KHSRP: variants seen among roughly 807,000 people sequenced by gnomAD.
KHSRP encodes the protein far upstream element-binding protein 2.
In KHSRP, 13 loss-of-function variants were observed where a neutral mutation model predicts 94.9. The observed-to-expected ratio is 0.14, with a 90% CI of 0.09 to 0.22. KHSRP has a LOEUF of 0.22. Among genes scored for constraint, KHSRP ranks in the 10% least tolerant of loss-of-function variants. KHSRP has a pLI of 1.00. For synonymous variants in KHSRP, 495 were observed against 401.4 expected, an observed-to-expected ratio of 1.23 and a Z score of -2.79; for missense variants, 710 against 1,010.0, an observed-to-expected ratio of 0.70 and a Z score of 4.03.
intron 2 of KHSRP, among the ~76,000 whole-genome samples, 174 bp downstream of exon 2, chr19:6,422,166 C>G (rs764999211): frequency 1.3e-5 from 2 of 152,190 alleles, no homozygotes; most frequent in Non-Finnish European, 2.9e-5. Context: ...TCTCTGCCAC[C>G]TGATACCTCA....
rs2092220921 is a variant in KHSRP, at chr19:6,424,565, C to CCGA, written c.136_137insTCG (p.Pro45_Gly46insVal). The CCGA allele has an allele frequency of 1.0e-5, 10 of 963,058 alleles. No homozygotes were observed. The highest frequency in any genetic ancestry group is 1.2e-5 in the Non-Finnish European group (10 of 813,504). The allele number at this position is 963,058 out of a possible 1,614,324, so 59.7% of individuals were successfully genotyped here. A position where few individuals can be genotyped will look rare whatever the true frequency, so the allele number is the denominator to read the frequency against. On this transcript the variant is annotated inframe_insertion, in exon 1 of 19. Transcript: ENST00000600480. ...CGACCCCCCGCCCGGGCCGCCGCCG[C>CCGA]CGGGACCGCCGCCGCCCCGGTCCCC...
intron 15 of KHSRP, among the ~76,000 whole-genome samples, 199 bp from the exon 16 acceptor site, chr19:6,416,095 G>A (rs568716727): frequency 3.9e-5 from 6 of 152,324 alleles, no homozygotes; most frequent in African/African-American, 9.6e-5. Context: ...AAGAAGCCGC[G>A]AAACTTGCAC....
At position 6,414,800 on chromosome 19, in the gene KHSRP, C is replaced by T. The variant is rs932736611; in HGVS notation, c.*224G>A. 5 of 1,165,970 alleles carry T rather than the reference C, an allele frequency of 4.3e-6. No individual in the cohort carries two copies. The highest frequency in any genetic ancestry group is 1.6e-5 in the African/African-American group (1 of 62,634). The allele number at this position is 1,165,970 out of a possible 1,614,324, so 72.2% of individuals were successfully genotyped here. A position where few individuals can be genotyped will look rare whatever the true frequency, so the allele number is the denominator to read the frequency against. Reference sequence around the variant, plus strand: ...GTGAGCGAGGTGGTGGCGGCCGGGCCGGTGCCCACCGTCCGCGCTGTCTGC... The same window carrying T: ...GTGAGCGAGGTGGTGGCGGCCGGGCTGGTGCCCACCGTCCGCGCTGTCTGC... On this transcript the variant is annotated 3_prime_UTR_variant, in exon 19 of 19. Coordinates refer to ENST00000600480, the MANE Select transcript of KHSRP (RefSeq NM_001366299.1).
rs1334642900 is a variant in KHSRP, at chr19:6,416,524, T to C, written c.1454A>G (p.Asp485Gly). The C allele has an allele frequency of 6.2e-7, 1 of 1,613,582 alleles. No homozygotes were observed. The highest frequency in any genetic ancestry group is 8.5e-7 in the Non-Finnish European group (1 of 1,179,686). ...FIIRGSPQQI[D>G]HAKQLIEEKI... ...TTCCTCGATAAGCTGCTTGGCGTGG[T>C]CAATCTGCTGGGGTGAACCCCGGAT... The change falls in exon 14 of 19, where the codon GAC becomes GGC. Residue 485 changes from aspartate to glycine, a missense_variant. Asp to Gly is a moderately conservative substitution (Grantham distance 94). Around this residue, in one of 5 missense-constraint regions of KHSRP, gnomAD observed 37 missense variants for 61.1 expected, o/e 0.61. Coordinates refer to ENST00000600480, the MANE Select transcript of KHSRP (RefSeq NM_001366299.1).
At position 6,416,733 on chromosome 19, in the gene KHSRP, C is replaced by G. The variant is rs1475169482; in HGVS notation, c.1327+5G>C. 1 of 1,601,398 alleles carries G rather than the reference C, an allele frequency of 6.2e-7. No homozygotes were observed. Among genetic ancestry groups the G allele is most frequent in the Non-Finnish European group, 8.5e-7 (1 of 1,172,300 alleles). The stretch of plus-strand genomic sequence containing the variant: ...AAGGGATAGGGTGCAGGGGGCCACA[C>G]TCACCTCGGCCGATGACCAGCCCAC... On this transcript the variant is annotated splice_donor_5th_base_variant and intron_variant, in intron 13 of 18. Coordinates refer to ENST00000600480, the MANE Select transcript of KHSRP (RefSeq NM_001366299.1).
chr19:6,418,860 G>C lies in KHSRP; in HGVS notation c.622C>G (p.Leu208Val). The C allele has an allele frequency of 6.4e-7, 1 of 1,553,588 alleles. No homozygotes were observed. Among genetic ancestry groups the C allele is most frequent in the Non-Finnish European group, 8.7e-7 (1 of 1,154,810 alleles). The change falls in exon 8 of 19, where the codon CTG becomes GTG. Residue 208 changes from leucine (L) to valine (V), a missense_variant. By Grantham distance (32) the Leu-to-Val change is conservative. This residue lies in a region of KHSRP where 288 missense variants were observed against 501.1 expected (regional missense o/e 0.57). Coordinates refer to ENST00000600480, the MANE Select transcript of KHSRP (RefSeq NM_001366299.1). The surrounding 1 kb of genome is among the most constrained non-coding windows in gnomAD (Gnocchi z 4.3). Reference sequence around the variant, plus strand: ...CGACCCCGAGACACAATGTCATCCAGCATCATCTTGGCTTTCCTGGGAAGG... The same window carrying C: ...CGACCCCGAGACACAATGTCATCCACCATCATCTTGGCTTTCCTGGGAAGG... Reference protein sequence around the residue: ...PESVQKAKMMLDDIVSRGRGG... With the variant: ...PESVQKAKMMVDDIVSRGRGG...
chr19:6,417,134 C>T (rs376886726), intron 11 of KHSRP, 47 bp from the exon 12 acceptor site: 7 of 1,490,224 alleles, frequency 4.7e-6, no homozygotes, highest in Non-Finnish European at 5.5e-6. Context: ...AAAAGAAGAG[C>T]CCACCCCAGA....
At position 6,415,352 on chromosome 19, in the gene KHSRP, C is replaced by T. The variant is rs371228466; in HGVS notation, c.1966+28G>A. On this transcript the variant is annotated intron_variant, in intron 18 of 18. Transcript: ENST00000600480. Reference sequence around the variant, plus strand: ...AGGCTGTGGGTGAGGGCTGCCCCTGCCCCTGTCCCCGCATGGTGGCCACTC... The same window carrying T: ...AGGCTGTGGGTGAGGGCTGCCCCTGTCCCTGTCCCCGCATGGTGGCCACTC... 16 of 1,611,448 alleles carry T rather than the reference C, an allele frequency of 9.9e-6. No individual in the cohort carries two copies. In the African/African-American group the frequency reaches 2.1e-4, roughly 22 times the overall value.
chr19:6,417,855 C>A lies in KHSRP; in HGVS notation c.979-14G>T, dbSNP rs1214350348. 6.2e-7 allele frequency: 1 copy of A among 1,612,068 alleles called. No homozygotes were observed. On this transcript the variant is annotated splice_polypyrimidine_tract_variant and intron_variant, in intron 10 of 18. Coordinates refer to ENST00000600480, the MANE Select transcript of KHSRP (RefSeq NM_001366299.1). Reference sequence around the variant, plus strand: ...GGGCACTGGCACCTGGGGAGGGAGGCAGCAGCGTCAGCTCGGCCCGCAGCT... The same window carrying A: ...GGGCACTGGCACCTGGGGAGGGAGGAAGCAGCGTCAGCTCGGCCCGCAGCT...
chr19:6,421,583 G>C, intron 3 of KHSRP, 67 bp downstream of exon 3: 1 of 1,553,216 alleles, frequency 6.4e-7, no homozygotes, highest in Non-Finnish European at 8.9e-7. Flanking sequence ...AGTGCTTCCA[G>C]CTCCTGACTC....
Position 6,414,547 on chromosome 19 carries a change from C to T in KHSRP, c.*477G>A. 9.7e-7 allele frequency: 1 copy of T among 1,028,710 alleles called. No homozygotes were observed. Among genetic ancestry groups the T allele is most frequent in the South Asian group, 4.2e-5 (1 of 23,790 alleles). 63.7% of individuals were successfully genotyped at this position (1,028,710 alleles called of 1,614,324 possible). ...CCACTTCACAGACAAGCCCGGGACA[C>T]AGGCAAGCGCGAGCGCATGGGAGGC... On this transcript the variant is annotated 3_prime_UTR_variant, in exon 19 of 19. Coordinates refer to ENST00000600480, the MANE Select transcript of KHSRP (RefSeq NM_001366299.1).
intron 6 of KHSRP, 105 bp from the exon 7 acceptor site, chr19:6,419,365 C>T: frequency 1.0e-6 from 1 of 969,984 alleles, no homozygotes; most frequent in Admixed American, 2.8e-5. Flanking sequence ...CACTTCTGTC[C>T]CATTCAGTGC....
Position 6,418,398 on chromosome 19 carries a change from C to A in KHSRP, c.879+85G>T. Reference sequence around the variant, plus strand: ...ACCGACTGTTCACATATCTCTCTGGCGGAATGCAGACCCCGAGACCGCTGG... The same window carrying A: ...ACCGACTGTTCACATATCTCTCTGGAGGAATGCAGACCCCGAGACCGCTGG... On this transcript the variant is annotated intron_variant, in intron 9 of 18. Transcript: ENST00000600480. The surrounding 1 kb of genome is among the most constrained non-coding windows in gnomAD (Gnocchi z 4.3). 1 of 944,036 alleles carries A rather than the reference C, an allele frequency of 1.1e-6. No homozygotes were observed. The allele number at this position is 944,036 out of a possible 1,614,324, so 58.5% of individuals were successfully genotyped here. A position where few individuals can be genotyped will look rare whatever the true frequency, so the allele number is the denominator to read the frequency against.
In KHSRP at chr19:6,418,129, ACCC is replaced by A. The variant is rs771260489; in HGVS notation, c.880-53_880-51del. On this transcript the variant is annotated intron_variant, in intron 9 of 18. Transcript: ENST00000600480. The surrounding 1 kb of genome is among the most constrained non-coding windows in gnomAD (Gnocchi z 4.3). ...CCATGGGTGAGCCCTGCTGCCCCAC[ACCC>A]CCCCACCTCCTCGGGGGTGCGGGCC... 7 of 1,512,222 alleles carry A rather than the reference ACCC, an allele frequency of 4.6e-6. No homozygotes were observed. Among genetic ancestry groups the A allele is most frequent in the African/African-American group, 1.4e-5 (1 of 71,782 alleles). The allele number at this position is 1,512,222 out of a possible 1,614,324, so 93.7% of individuals were successfully genotyped here.
chr19:6,422,457 C>T (rs2092201003), intron 1 of KHSRP, 21 bp from the exon 2 acceptor site: 4 of 1,585,166 alleles, frequency 2.5e-6, no homozygotes, highest in Non-Finnish European at 3.5e-6. Context: ...GTAGTAAGCA[C>T]AGAAGAATTA....
At chr19:6,421,565 A>T in intron 3 of KHSRP, 85 bp downstream of exon 3, 1 of 1,456,952 alleles carries the variant, frequency 6.9e-7, no homozygotes, top group Non-Finnish European at 9.6e-7. Context: ...AAGAGCTGCC[A>T]CCTCCTCAGT....
chr19:6,418,525 C>G lies in KHSRP; in HGVS notation c.837G>C (p.Val279=), dbSNP rs767849229. Residue 279 remains valine, a synonymous_variant, in exon 9 of 19, where the codon GTG becomes GTC. Transcript: ENST00000600480. This position sits in a 1 kb window ranked among gnomAD's most constrained non-coding sequence, Gnocchi z 4.3. ...LIQDGSQNTN[V]DKPLRIIGDP... ...CCCCAATGATGCGGAGAGGTTTGTCCACATTCGTATTCTGAGATCCGTCCT... is the reference window on the plus strand; with the variant it reads ...CCCCAATGATGCGGAGAGGTTTGTCGACATTCGTATTCTGAGATCCGTCCT... The G allele has an allele frequency of 1.2e-6, 2 of 1,613,998 alleles. No individual in the cohort carries two copies. The highest frequency in any genetic ancestry group is 2.2e-5 in the South Asian group (2 of 91,080).
In KHSRP at chr19:6,415,149, G is replaced by T; in HGVS notation, c.2119C>A (p.Gln707Lys). The stretch of plus-strand genomic sequence containing the variant: ...TGGCAATTCCCACTTGCCTGCTGCT[G>T]TCCCTGCTGCGTGGGCGGCGGCTGG... ...GPQPPPTQQG[Q>K]QQASGNCHPP... Residue 707 changes from glutamine to lysine, a missense_variant, in exon 19 of 19, where the codon CAG becomes AAG. Physicochemically the swap from Gln to Lys is moderately conservative, Grantham distance 53. Coordinates refer to ENST00000600480, the MANE Select transcript of KHSRP (RefSeq NM_001366299.1). 6.2e-7 allele frequency: 1 copy of T among 1,604,798 alleles called. No individual in the cohort carries two copies.
intron 1 of KHSRP, among the ~76,000 whole-genome samples, chr19:6,423,647 C>T (rs748272277): frequency 6.6e-6 from 1 of 152,232 alleles, no homozygotes; most frequent in Non-Finnish European, 1.5e-5. Flanking sequence ...GTTCACTTAA[C>T]GGGACCTCCC....
Sources: allele counts gnomAD v4.1 joint callset (sites outside exome capture counted in the v4.1 genomes callset), GRCh38; gene constraint gnomAD v4.1.1; regional missense constraint gnomAD v4.1.1; non-coding constraint Gnocchi (gnomAD v3.1); transcripts MANE v1.5; gene names NCBI Gene and HGNC (gene_info 2026-07-23, HGNC 2026-07-21).